MAGI1: variants seen among roughly 807,000 people sequenced by gnomAD.
MAGI1 encodes the protein membrane-associated guanylate kinase, WW and PDZ domain-containing protein 1.
Under a neutral mutation model 139.9 loss-of-function variants are expected in MAGI1, and 58 were observed. That is an observed-to-expected ratio of 0.41 (90% CI 0.34 to 0.52). The LOEUF (loss-of-function observed/expected upper bound fraction) is 0.52, where lower values mean the gene tolerates loss of function less well. Among genes scored for constraint, MAGI1 ranks in the 20% least tolerant of loss-of-function variants. MAGI1 has a pLI of 0.12. For missense variants in MAGI1, 1,874 were observed against 1,901.6 expected (o/e 0.99, Z 0.27); for synonymous variants, 812 against 737.9 (o/e 1.10, Z -1.63).
At chr3:65,443,502 C>T (rs549547656) in intron 7 of MAGI1, among the ~76,000 whole-genome samples, 18 of 152,248 alleles carry the variant, frequency 1.2e-4, no homozygotes, top group Admixed American at 3.3e-4. Context: ...TACAATGGCA[C>T]TGGGGGATGT....
intron 1 of MAGI1, among the ~76,000 whole-genome samples, chr3:65,640,248 C>G (rs987481746): frequency 3.3e-5 from 5 of 152,134 alleles, no homozygotes; most frequent in Non-Finnish European, 7.3e-5. Context: ...GGTTCTGTTT[C>G]TCTAGGGAAC....
chr3:65,695,515 C>A (rs1303122637), intron 1 of MAGI1, among the ~76,000 whole-genome samples: 2 of 152,176 alleles, frequency 1.3e-5, no homozygotes, highest in Non-Finnish European at 2.9e-5. Context: ...TTGAAAGGGC[C>A]AACTCCTTAT....
chr3:65,988,420 C>G (rs1374728736), intron 1 of MAGI1, among the ~76,000 whole-genome samples: 2 of 152,168 alleles, frequency 1.3e-5, no homozygotes, highest in African/African-American at 2.4e-5. Flanking sequence ...GGTCTCTCCT[C>G]AGTCACATCA....
chr3:65,944,511 C>T (rs1203086145), intron 1 of MAGI1, among the ~76,000 whole-genome samples: 3 of 151,918 alleles, frequency 2.0e-5, no homozygotes, highest in African/African-American at 7.3e-5. Flanking sequence ...GAGCAAGACC[C>T]TATCTCAAGG....
At chr3:65,787,726 A>C (rs1354729632) in intron 1 of MAGI1, among the ~76,000 whole-genome samples, 1 of 152,030 alleles carries the variant, frequency 6.6e-6, no homozygotes, top group Non-Finnish European at 1.5e-5. Flanking sequence ...TGAACATCTA[A>C]TTAGCCTTGG....
chr3:65,638,091 C>G (rs1381864672), intron 1 of MAGI1, among the ~76,000 whole-genome samples: 1 of 152,132 alleles, frequency 6.6e-6, no homozygotes, highest in East Asian at 1.9e-4. Flanking sequence ...AGTTCCCATC[C>G]TGACTTTGCC....
chr3:65,933,475 C>T (rs1361326095), intron 1 of MAGI1, among the ~76,000 whole-genome samples: 1 of 152,180 alleles, frequency 6.6e-6, no homozygotes, highest in Non-Finnish European at 1.5e-5. Flanking sequence ...TAGCCTTCCC[C>T]AGAGTGACAG....
At chr3:65,477,940 G>A (rs953423010) in intron 4 of MAGI1, among the ~76,000 whole-genome samples, 1 of 151,376 alleles carries the variant, frequency 6.6e-6, no homozygotes, top group Admixed American at 6.6e-5. Flanking sequence ...TAAGCTCGGA[G>A]GTAGACAGCC....
intron 5 of MAGI1, among the ~76,000 whole-genome samples, chr3:65,459,175 C>A (rs1308186542): frequency 6.6e-6 from 1 of 152,166 alleles, no homozygotes; most frequent in Non-Finnish European, 1.5e-5. Context: ...TGCTTTTATG[C>A]CAGTACTGTG....
intron 1 of MAGI1, among the ~76,000 whole-genome samples, chr3:65,999,755 T>C (rs2066640792): frequency 6.6e-6 from 1 of 152,082 alleles, no homozygotes; most frequent in Non-Finnish European, 1.5e-5. Flanking sequence ...ACTAGTTGCA[T>C]CATGTTTTGC....
chr3:65,919,947 T>C (rs1050205620), intron 1 of MAGI1, among the ~76,000 whole-genome samples: 1 of 152,172 alleles, frequency 6.6e-6, no homozygotes, highest in Non-Finnish European at 1.5e-5. Flanking sequence ...TTAAGATTCC[T>C]GGAAACTCAG....
chr3:65,687,801 A>C, intron 1 of MAGI1: 1 of 583,774 alleles, frequency 1.7e-6, no homozygotes, highest in Non-Finnish European at 3.4e-6. Flanking sequence ...CTTGGAAATC[A>C]GTTCTTCTGA....
At chr3:65,550,790 C>T (rs1460881566) in intron 2 of MAGI1, among the ~76,000 whole-genome samples, 1 of 128,656 alleles carries the variant, frequency 7.8e-6, no homozygotes, top group Non-Finnish European at 1.7e-5. Context: ...CAGAGGGAGA[C>T]CCCATGTCCA....
chr3:65,566,434 C>T (rs1388026392), intron 2 of MAGI1, among the ~76,000 whole-genome samples: 1 of 151,024 alleles, frequency 6.6e-6, no homozygotes, highest in African/African-American at 2.4e-5. Context: ...GTTTTGCTCA[C>T]CTTTTTTTTT....
chr3:65,431,330 C>G (rs938217458), intron 10 of MAGI1, among the ~76,000 whole-genome samples: 1 of 152,128 alleles, frequency 6.6e-6, no homozygotes, highest in African/African-American at 2.4e-5. Context: ...CAGAACTAAT[C>G]AAACGGAAAA....
rs191476840 is a variant in MAGI1 at position 65,645,758 on chromosome 3, C to T, written c.314-23670G>A. Reference sequence around the variant, plus strand: ...TATTATAAACCAGGATGTAAAGAGACGTAAGGTTTCAGCAATTCAGCCAAA... The same window carrying T: ...TATTATAAACCAGGATGTAAAGAGATGTAAGGTTTCAGCAATTCAGCCAAA... On this transcript the variant is annotated intron_variant, in intron 1 of 22. Transcript: ENST00000402939. 3.9e-3 allele frequency among the ~76,000 whole-genome samples: 596 copies of T among 152,082 alleles called. 7 individuals are homozygous for T. The highest frequency in any genetic ancestry group is 0.014 in the African/African-American group (566 of 41,514).
chr3:65,880,278 C>T (rs2060271749), intron 1 of MAGI1, among the ~76,000 whole-genome samples: 1 of 152,052 alleles, frequency 6.6e-6, no homozygotes, highest in Non-Finnish European at 1.5e-5. Context: ...GAAGAAAATT[C>T]CTGTAAAAAC....
intron 1 of MAGI1, among the ~76,000 whole-genome samples, chr3:65,966,203 C>A (rs1169017077): frequency 1.3e-5 from 2 of 152,144 alleles, no homozygotes; most frequent in African/African-American, 4.8e-5. Flanking sequence ...GATGGCACTG[C>A]CAAAATACCC....
chr3:65,953,428 A>C lies in MAGI1; in HGVS notation c.313+84568T>G, dbSNP rs1274919330. On this transcript the variant is annotated intron_variant, in intron 1 of 22. Coordinates refer to ENST00000402939, the MANE Select transcript of MAGI1 (RefSeq NM_001033057.2). ...AGGCCCAGTGATAAGCCAGGTTTCAACTTCACCTCCCCAGCCTGAGAGCGA... is the reference window on the plus strand; with the variant it reads ...AGGCCCAGTGATAAGCCAGGTTTCACCTTCACCTCCCCAGCCTGAGAGCGA... Among the ~76,000 whole-genome samples, 4 of 152,202 alleles carry C rather than the reference A, an allele frequency of 2.6e-5. No individual in the cohort carries two copies. The South Asian group carries it at 8.3e-4, about 31-fold the overall frequency.
Sources: allele counts gnomAD v4.1 joint callset (sites outside exome capture counted in the v4.1 genomes callset), GRCh38; gene constraint gnomAD v4.1.1; transcripts MANE v1.5; gene names NCBI Gene and HGNC (gene_info 2026-07-23, HGNC 2026-07-21).